The following DCDC1 variants were observed in gnomAD, a reference collection of about 807,000 sequenced individuals.
DCDC1 encodes the protein doublecortin domain-containing protein 1.
A neutral mutation model predicts 178.3 loss-of-function variants in DCDC1; 200 were observed. The ratio of observed to expected loss-of-function variants is 1.12; its 90% CI spans 1.00 to 1.26. DCDC1 has a LOEUF of 1.26. Ranked by LOEUF, DCDC1 falls within the 50% of genes most tolerant of loss-of-function variation. The pLI, the probability that DCDC1 is intolerant of heterozygous loss-of-function variation, is 0.00. For missense variants in DCDC1, 1,983 were observed against 1,749.2 expected (o/e 1.13, Z -2.38); for synonymous variants, 690 against 604.8 (o/e 1.14, Z -2.07).
chr11:31,042,529 T>C (rs1954531828), intron 20 of DCDC1, among the ~76,000 whole-genome samples: 1 of 152,114 alleles, frequency 6.6e-6, no homozygotes, highest in Admixed American at 6.5e-5. Context: ...AGCAGGATAC[T>C]GAGGTTCCCT....
At chr11:30,975,804 T>C (rs1192598866) in intron 20 of DCDC1, among the ~76,000 whole-genome samples, 1 of 151,956 alleles carries the variant, frequency 6.6e-6, no homozygotes, top group Non-Finnish European at 1.5e-5. Flanking sequence ...ATCTACAGAT[T>C]CAATACAATC....
intron 2 of DCDC1, 123 bp from the exon 3 acceptor site, chr11:31,328,409 T>C: frequency 1.1e-6 from 1 of 932,328 alleles, no homozygotes; most frequent in South Asian, 2.7e-5. Context: ...TAGCAATGAT[T>C]AAATGTGAAA....
chr11:30,943,619 CT>C (rs1358966681), intron 21 of DCDC1: 2 of 451,230 alleles, frequency 4.4e-6, no homozygotes, highest in South Asian at 1.6e-5. Context: ...CAATTCACAA[CT>C]TTTCCCCCAT....
At chr11:31,255,757 TTTCCA>T (rs1944380029) in intron 8 of DCDC1, among the ~76,000 whole-genome samples, 1 of 152,208 alleles carries the variant, frequency 6.6e-6, no homozygotes, top group Non-Finnish European at 1.5e-5. Context: ...GCAAATATTT[TTTCCA>T]TTCTATGGTT....
At chr11:30,946,205 G>A (rs896272234) in intron 21 of DCDC1, among the ~76,000 whole-genome samples, 13 of 152,132 alleles carry the variant, frequency 8.5e-5, no homozygotes, top group Non-Finnish European at 1.5e-4. Context: ...TGGCTACTAG[G>A]CAACCTGCTG....
chr11:31,044,157 G>A (rs1182858273), intron 20 of DCDC1, among the ~76,000 whole-genome samples: 1 of 152,026 alleles, frequency 6.6e-6, no homozygotes, highest in Non-Finnish European at 1.5e-5. Flanking sequence ...ACCAGTTGGC[G>A]ACAGAAGGAA....
chr11:30,895,909 T>C (rs1944170137), intron 34 of DCDC1, among the ~76,000 whole-genome samples: 1 of 152,202 alleles, frequency 6.6e-6, no homozygotes, highest in South Asian at 2.1e-4. Context: ...TTATTTAGAA[T>C]GCATTTCGAA....
At chr11:31,357,805 G>C (rs909646598) in intron 1 of DCDC1, among the ~76,000 whole-genome samples, 1 of 151,670 alleles carries the variant, frequency 6.6e-6, no homozygotes, top group African/African-American at 2.4e-5. Context: ...CAGACAAACA[G>C]AGAGCCAAAT....
At chr11:31,223,709 T>C (rs1268499816) in intron 9 of DCDC1, among the ~76,000 whole-genome samples, 1 of 152,168 alleles carries the variant, frequency 6.6e-6, no homozygotes, top group Non-Finnish European at 1.5e-5. Flanking sequence ...TATTTCAGCA[T>C]AAATATGTCT....
chr11:31,158,580 T>G (rs1046760968), intron 9 of DCDC1, among the ~76,000 whole-genome samples: 1 of 152,198 alleles, frequency 6.6e-6, no homozygotes, highest in African/African-American at 2.4e-5. Context: ...CTTCTATACA[T>G]TTGACTGAAA....
At chr11:31,302,068 A>G (rs1948150755) in intron 6 of DCDC1, among the ~76,000 whole-genome samples, 1 of 152,196 alleles carries the variant, frequency 6.6e-6, no homozygotes, top group Admixed American at 6.5e-5. Context: ...CAGTAATAGA[A>G]TAGGATATAC....
At chr11:31,335,230 G>A (rs968536958) in intron 2 of DCDC1, among the ~76,000 whole-genome samples, 7 of 152,196 alleles carry the variant, frequency 4.6e-5, no homozygotes, top group Non-Finnish European at 8.8e-5. Flanking sequence ...ATAATCTCCT[G>A]GTGTGTCATT....
In DCDC1 at chr11:31,117,695, T is replaced by C. The variant is rs529977882; in HGVS notation, c.1486-7334A>G. Among the ~76,000 whole-genome samples the C allele has an allele frequency of 1.4e-4, 18 of 124,828 alleles. No individual in the cohort carries two copies. In the East Asian group the frequency reaches 5.8e-3, roughly 40 times the overall value. The allele number at this position is 124,828 out of a possible 152,430, so 81.9% of individuals were successfully genotyped here. On this transcript the variant is annotated intron_variant, in intron 11 of 38. Coordinates refer to ENST00000684477, the MANE Select transcript of DCDC1 (RefSeq NM_001387274.1). The stretch of plus-strand genomic sequence containing the variant: ...GTGACTATTGACAAAAAATAAGGCA[T>C]ATGTTTCTGCAAAAAAAAAACAAAA...
chr11:31,309,813 T>C (rs976309047), intron 3 of DCDC1, among the ~76,000 whole-genome samples: 1 of 152,206 alleles, frequency 6.6e-6, no homozygotes, highest in Non-Finnish European at 1.5e-5. Context: ...GAAGTTTTAA[T>C]CATGTTATAT....
intron 6 of DCDC1, among the ~76,000 whole-genome samples, chr11:31,301,483 G>A (rs772502476): frequency 1.1e-4 from 16 of 152,030 alleles, no homozygotes; most frequent in Non-Finnish European, 2.2e-4. Context: ...TGTGAGTAGT[G>A]GGTCACCTAT....
At chr11:31,046,362 G>A (rs1228352821) in intron 20 of DCDC1, among the ~76,000 whole-genome samples, 1 of 151,772 alleles carries the variant, frequency 6.6e-6, no homozygotes, top group Non-Finnish European at 1.5e-5. Context: ...TAAATATGGA[G>A]TGCTACCCAA....
chr11:30,897,324 C>T (rs995016757), intron 34 of DCDC1, among the ~76,000 whole-genome samples: 1 of 152,112 alleles, frequency 6.6e-6, no homozygotes. Flanking sequence ...CGCAGTGGCT[C>T]ATGCCTGTAA....
intron 21 of DCDC1, among the ~76,000 whole-genome samples, chr11:30,934,006 A>G (rs575443556): frequency 6.6e-6 from 1 of 152,308 alleles, no homozygotes; most frequent in African/African-American, 2.4e-5. Flanking sequence ...TTCTGCTAGT[A>G]TCATGTCTTA....
At position 31,328,842 on chromosome 11, in the gene DCDC1, C is replaced by T. The variant is rs139007836; in HGVS notation, c.-6-556G>A. On this transcript the variant is annotated intron_variant, in intron 2 of 38. Transcript: ENST00000684477. ...AAAAAAAAAAAGGATTAAAAAAATG[C>T]TGGTTTGTTGGAAAACATTTTAATT... Among the ~76,000 whole-genome samples the T allele has an allele frequency of 6.4e-5, 9 of 141,524 alleles. No individual in the cohort carries two copies. In the East Asian group the frequency reaches 1.4e-3, roughly 22 times the overall value. 92.8% of individuals were successfully genotyped at this position (141,524 alleles called of 152,430 possible). A position where few individuals can be genotyped will look rare whatever the true frequency, so the allele number is the denominator to read the frequency against.
Sources: allele counts gnomAD v4.1 joint callset (sites outside exome capture counted in the v4.1 genomes callset), GRCh38; gene constraint gnomAD v4.1.1; transcripts MANE v1.5; gene names NCBI Gene and HGNC (gene_info 2026-07-23, HGNC 2026-07-21).